RNGTT: variants seen among roughly 807,000 people sequenced by gnomAD.
The protein encoded by RNGTT is RNA guanylyltransferase and 5'-phosphatase, also known as mRNA-capping enzyme.
In RNGTT, 33 loss-of-function variants were observed where a neutral mutation model predicts 79.3. The observed-to-expected ratio is 0.42, with a 90% CI of 0.32 to 0.56. The LOEUF (loss-of-function observed/expected upper bound fraction) is 0.56. Among genes scored for constraint, RNGTT ranks in the 20% least tolerant of loss-of-function variants. The pLI is 0.17. For missense variants in RNGTT, 497 were observed against 739.1 expected (o/e 0.67, Z 3.80); for synonymous variants, 222 against 235.9 (o/e 0.94, Z 0.54).
intron 14 of RNGTT, among the ~76,000 whole-genome samples, chr6:88,650,242 T>G (rs1298624822): frequency 6.6e-6 from 1 of 152,230 alleles, no homozygotes; most frequent in African/African-American, 2.4e-5. Context: ...ATGACCTATA[T>G]TACGTGCATG....
At chr6:88,699,903 G>A (rs1245429956) in intron 13 of RNGTT, among the ~76,000 whole-genome samples, 2 of 152,178 alleles carry the variant, frequency 1.3e-5, no homozygotes, top group Non-Finnish European at 2.9e-5. Context: ...GTGGTTACCA[G>A]GGGTGAAGAA....
At chr6:88,801,359 C>T (rs768719097) in intron 12 of RNGTT, among the ~76,000 whole-genome samples, 1 of 152,088 alleles carries the variant, frequency 6.6e-6, no homozygotes, top group Non-Finnish European at 1.5e-5. Flanking sequence ...GATGGGTGCT[C>T]ATTTTAGTAT....
At chr6:88,765,595 A>C (rs7760910) in intron 13 of RNGTT, among the ~76,000 whole-genome samples, 43,150 of 152,094 alleles carry the variant, frequency 0.28, 9,841 homozygotes, top group African/African-American at 0.63. Flanking sequence ...TCAGCACAAC[A>C]AATCTACAAA....
intron 13 of RNGTT, among the ~76,000 whole-genome samples, chr6:88,719,119 G>A (rs1776620645): frequency 6.6e-6 from 1 of 152,186 alleles, no homozygotes; most frequent in Non-Finnish European, 1.5e-5. Flanking sequence ...TAGTGTAAGT[G>A]TATTACTGGC....
chr6:88,787,082 G>A (rs1414742398), intron 12 of RNGTT, among the ~76,000 whole-genome samples: 4 of 151,950 alleles, frequency 2.6e-5, no homozygotes, highest in East Asian at 3.9e-4. Flanking sequence ...TAAGCCACTC[G>A]GTTTATGGTA....
intron 8 of RNGTT, among the ~76,000 whole-genome samples, chr6:88,890,216 A>G (rs1053341092): frequency 3.3e-5 from 5 of 152,172 alleles, no homozygotes; most frequent in South Asian, 2.1e-4. Context: ...ACCAAAAACC[A>G]TATCATTAAG....
Position 88,762,142 on chromosome 6 carries a change from G to T in RNGTT, c.1439+7632C>A, listed in dbSNP as rs117429012. On this transcript the variant is annotated intron_variant, in intron 13 of 15. Transcript: ENST00000369485. ...TAATCAGGTGATAAATGGATTACTG[G>T]CTCAAGTTTAAATCTAAGTGTGACG... Among the ~76,000 whole-genome samples, 503 of 152,252 alleles carry T rather than the reference G, an allele frequency of 3.3e-3. 2 individuals carry two copies. Among genetic ancestry groups the T allele is most frequent in the Non-Finnish European group, 5.1e-3 (345 of 68,006 alleles).
At chr6:88,669,720 GGCAGTT>G (rs1476536022) in intron 14 of RNGTT, among the ~76,000 whole-genome samples, 1 of 152,198 alleles carries the variant, frequency 6.6e-6, no homozygotes, top group Non-Finnish European at 1.5e-5. Context: ...TCAATGGGCA[GGCAGTT>G]GTGTCATTGG....
chr6:88,905,595 A>G (rs1582114480), intron 5 of RNGTT, among the ~76,000 whole-genome samples: 1 of 152,374 alleles, frequency 6.6e-6, no homozygotes, highest in East Asian at 1.9e-4. Flanking sequence ...AAATTCAGTT[A>G]GTAATATATT....
chr6:88,738,053 A>G (rs1182563259), intron 13 of RNGTT, among the ~76,000 whole-genome samples: 2 of 152,208 alleles, frequency 1.3e-5, no homozygotes, highest in Non-Finnish European at 2.9e-5. Flanking sequence ...GAAAACTCAC[A>G]AACCCTACTT....
At chr6:88,929,967 T>C (rs1265287118) in intron 2 of RNGTT, among the ~76,000 whole-genome samples, 2 of 149,534 alleles carry the variant, frequency 1.3e-5, no homozygotes, top group African/African-American at 2.4e-5. Flanking sequence ...TATACATATG[T>C]ATACATGCAT....
At chr6:88,676,640 C>T (rs1209148833) in intron 14 of RNGTT, among the ~76,000 whole-genome samples, 4 of 152,102 alleles carry the variant, frequency 2.6e-5, no homozygotes, top group East Asian at 3.9e-4. Flanking sequence ...GAAAAGACAA[C>T]GATAGCTGGG....
At chr6:88,740,299 G>A (rs932333268) in intron 13 of RNGTT, among the ~76,000 whole-genome samples, 10 of 151,908 alleles carry the variant, frequency 6.6e-5, no homozygotes, top group African/African-American at 2.2e-4. Flanking sequence ...CAGGAGAATC[G>A]CTTGAGCCCA....
chr6:88,638,609 A>C (rs1352254052), intron 14 of RNGTT, among the ~76,000 whole-genome samples: 1 of 152,190 alleles, frequency 6.6e-6, no homozygotes, highest in East Asian at 1.9e-4. Context: ...GACGAAAACA[A>C]AGCTGGCATC....
At chr6:88,691,585 G>C (rs1388311531) in intron 13 of RNGTT, among the ~76,000 whole-genome samples, 4 of 152,178 alleles carry the variant, frequency 2.6e-5, no homozygotes, top group Admixed American at 6.5e-5. Context: ...CTATCTTTGG[G>C]TGGGAGAAAG....
At chr6:88,649,350 A>G (rs1460896205) in intron 14 of RNGTT, among the ~76,000 whole-genome samples, 1 of 152,210 alleles carries the variant, frequency 6.6e-6, no homozygotes, top group Admixed American at 6.5e-5. Context: ...TGTTTGCTAC[A>G]GTGGGCAACA....
intron 2 of RNGTT, among the ~76,000 whole-genome samples, chr6:88,936,090 T>C (rs555984203): frequency 6.6e-6 from 1 of 152,278 alleles, no homozygotes; most frequent in South Asian, 2.1e-4. Context: ...TGGATAACTT[T>C]TACATTTTTA....
intron 11 of RNGTT, among the ~76,000 whole-genome samples, chr6:88,825,702 G>T (rs1205394746): frequency 6.6e-6 from 1 of 152,142 alleles, no homozygotes; most frequent in Non-Finnish European, 1.5e-5. Context: ...AGCACAGTGT[G>T]TTCTATTGGT....
At chr6:88,749,143 C>T (rs1335251002) in intron 13 of RNGTT, among the ~76,000 whole-genome samples, 6 of 151,974 alleles carry the variant, frequency 3.9e-5, no homozygotes, top group African/African-American at 9.7e-5. Flanking sequence ...GTCACTAAAA[C>T]AACTGAACTT....
Sources: gnomAD v4.1 joint callset for allele counts (sites outside exome capture counted in the v4.1 genomes callset) on GRCh38, gnomAD v4.1.1 for gene constraint, MANE v1.5 for transcripts, NCBI Gene and HGNC (gene_info 2026-07-23, HGNC 2026-07-21) for gene names.